The following DAOA variants were observed in gnomAD, a reference collection of about 807,000 sequenced individuals.
The protein encoded by DAOA is D-amino acid oxidase regulator.
Under a neutral mutation model 16.4 loss-of-function variants are expected in DAOA, and 15 were observed. The observed-to-expected ratio is 0.91, with a 90% CI of 0.61 to 1.41. DAOA has a LOEUF of 1.41. Among genes scored for constraint, DAOA ranks in the 40% most tolerant of loss-of-function variants. The probability of loss-of-function intolerance (pLI) is 0.00; values close to 1 mark genes in which losing one functional copy is unlikely to be tolerated. For missense variants in DAOA, 230 were observed against 176.8 expected, an observed-to-expected ratio of 1.30 and a Z score of -1.71; for synonymous variants, 75 against 59.1, an observed-to-expected ratio of 1.27 and a Z score of -1.23.
intron 4 of DAOA, among the ~76,000 whole-genome samples, chr13:105,484,805 C>T (rs8002278): frequency 0.49 from 74,254 of 151,968 alleles, 19,661 homozygotes; most frequent in Middle Eastern, 0.65. Flanking sequence ...TTTATTGCTG[C>T]CTTACTACTA....
chr13:105,475,667 G>A (rs1877278040), intron 4 of DAOA, among the ~76,000 whole-genome samples: 1 of 152,178 alleles, frequency 6.6e-6, no homozygotes, highest in African/African-American at 2.4e-5. Flanking sequence ...ATTAATCAAA[G>A]GCTGTATTTA....
At chr13:105,486,862 T>C (rs1878146779) in intron 4 of DAOA, among the ~76,000 whole-genome samples, 1 of 152,114 alleles carries the variant, frequency 6.6e-6, no homozygotes, top group African/African-American at 2.4e-5. Context: ...TCCAGTGATC[T>C]GCCCACTTCG....
rs771467327 is a variant in DAOA, at chr13:105,490,042, A to G, written c.423A>G (p.Ser141=). ...ACTACAACCAGCAAAAAGACCAGTC[A>G]TGCAACCACAAGGAAATAACTTCTA... ...TCNYNQQKDQ[S]CNHKEITSTK... The change falls in exon 5 of 6, where the codon TCA becomes TCG. Residue 141 remains serine, a synonymous_variant. Transcript: ENST00000375936. 6.9e-6 allele frequency: 11 copies of G among 1,594,990 alleles called. No homozygotes were observed. Among genetic ancestry groups the G allele is most frequent in the Non-Finnish European group, 7.7e-6 (9 of 1,170,032 alleles).
chr13:105,485,505 C>T (rs1265870630), intron 4 of DAOA, among the ~76,000 whole-genome samples: 4 of 152,202 alleles, frequency 2.6e-5, no homozygotes, highest in Non-Finnish European at 5.9e-5. Context: ...TTTCCACTAA[C>T]CCTTATCTCA....
chr13:105,472,711 T>C (rs529535520), intron 4 of DAOA, 26 bp downstream of exon 4: 2 of 1,579,942 alleles, frequency 1.3e-6, no homozygotes, highest in African/African-American at 2.7e-5. Flanking sequence ...ATTTTAAACT[T>C]TTAACCAGGA....
intron 4 of DAOA, chr13:105,477,068 C>T (rs1431402169): frequency 1.3e-5 from 2 of 152,198 alleles, no homozygotes; most frequent in African/African-American, 2.4e-5. Context: ...TCCTGTCTGC[C>T]TCCTGTAGTT....
At chr13:105,471,714 A>G (rs1295859349) in intron 3 of DAOA, among the ~76,000 whole-genome samples, 1 of 152,196 alleles carries the variant, frequency 6.6e-6, no homozygotes, top group East Asian at 1.9e-4. Flanking sequence ...CTACAGGTAA[A>G]ACTGGTCGAT....
chr13:105,487,478 T>C (rs953731762), intron 4 of DAOA, among the ~76,000 whole-genome samples: 11 of 152,122 alleles, frequency 7.2e-5, no homozygotes, highest in Non-Finnish European at 1.3e-4. Context: ...CTTTGGAATT[T>C]ACATTTTAGA....
chr13:105,489,912 T>C lies in DAOA; in HGVS notation c.293T>C (p.Val98Ala). The change falls in exon 5 of 6, where the codon GTA (valine) becomes GCA (alanine). Residue 98 changes from valine (V) to alanine (A), a missense_variant. By Grantham distance (64) the Val-to-Ala change is moderately conservative (BLOSUM62 0). Coordinates refer to ENST00000375936, the MANE Select transcript of DAOA (RefSeq NM_172370.5). ...GGATCTCCTTACAGGCTTGAAGAAG[T>C]AAGCAGCCATGTTGGAAAAGTCTTC... ...LPQPYAELEE[V>A]SSHVGKVFMA... The C allele has an allele frequency of 6.2e-7, 1 of 1,613,846 alleles. No homozygotes were observed. The highest frequency in any genetic ancestry group is 8.5e-7 in the Non-Finnish European group (1 of 1,179,876).
intron 4 of DAOA, among the ~76,000 whole-genome samples, chr13:105,482,798 T>G (rs9586867): frequency 0.044 from 6,667 of 152,142 alleles, 531 homozygotes; most frequent in African/African-American, 0.15. Flanking sequence ...GAGCCACTGC[T>G]CCTGGCCAGT....
At chr13:105,485,018 T>C (rs1878014548) in intron 4 of DAOA, among the ~76,000 whole-genome samples, 1 of 152,212 alleles carries the variant, frequency 6.6e-6, no homozygotes, top group South Asian at 2.1e-4. Context: ...TTTTTTCTTA[T>C]GGCAGGGTTA....
At chr13:105,488,074 A>G (rs1878254722) in intron 4 of DAOA, among the ~76,000 whole-genome samples, 10 of 152,178 alleles carry the variant, frequency 6.6e-5, no homozygotes, top group Admixed American at 5.9e-4. Context: ...CAATCACTGT[A>G]AACAGCTGTA....
intron 4 of DAOA, among the ~76,000 whole-genome samples, chr13:105,482,115 G>A (rs548620915): frequency 7.2e-5 from 11 of 152,158 alleles, no homozygotes; most frequent in South Asian, 4.2e-4. Context: ...GAACAGCACA[G>A]GAAAGACCTG....
rs76564901 is a variant in DAOA at position 105,488,066 on chromosome 13, A to G, written c.282-1835A>G. On this transcript the variant is annotated intron_variant, in intron 4 of 5. Coordinates refer to ENST00000375936, the MANE Select transcript of DAOA (RefSeq NM_172370.5). Reference sequence around the variant, plus strand: ...AGCTTAAAAGCACGGGAACTTATCAATCACTGTAAACAGCTGTATTTTGGG... The same window carrying G: ...AGCTTAAAAGCACGGGAACTTATCAGTCACTGTAAACAGCTGTATTTTGGG... 6.7e-3 allele frequency among the ~76,000 whole-genome samples: 1,015 copies of G among 152,332 alleles called. 11 individuals are homozygous for G. The highest frequency in any genetic ancestry group is 0.014 in the South Asian group (66 of 4,826).
At chr13:105,474,605 A>T (rs1877214770) in intron 4 of DAOA, among the ~76,000 whole-genome samples, 1 of 152,162 alleles carries the variant, frequency 6.6e-6, no homozygotes, top group Non-Finnish European at 1.5e-5. Flanking sequence ...GGATTGACTG[A>T]CTAAAGCCAG....
At chr13:105,475,501 AC>A (rs149926231) in intron 4 of DAOA, among the ~76,000 whole-genome samples, 3,117 of 152,250 alleles carry the variant, frequency 0.02, 106 homozygotes, top group African/African-American at 0.071. Context: ...CAGAGGAGTT[AC>A]GTTTTATGAG....
chr13:105,479,583 A>G (rs531771364), intron 4 of DAOA, among the ~76,000 whole-genome samples: 65 of 152,098 alleles, frequency 4.3e-4, no homozygotes, highest in African/African-American at 1.5e-3. Flanking sequence ...ACATCAGTCA[A>G]TCTCTACCTC....
chr13:105,473,371 C>G (rs758236357), intron 4 of DAOA, among the ~76,000 whole-genome samples: 1 of 151,872 alleles, frequency 6.6e-6, no homozygotes, highest in Non-Finnish European at 1.5e-5. Flanking sequence ...CTAAATAATG[C>G]TTTTATTTTC....
intron 4 of DAOA, among the ~76,000 whole-genome samples, chr13:105,489,207 T>G (rs1219269490): frequency 6.6e-6 from 1 of 152,168 alleles, no homozygotes; most frequent in Non-Finnish European, 1.5e-5. Context: ...AACATTTGCA[T>G]GTAAGATGGA....
Sources: gnomAD v4.1 joint callset for allele counts (sites outside exome capture counted in the v4.1 genomes callset) on GRCh38, gnomAD v4.1.1 for gene constraint, MANE v1.5 for transcripts, NCBI Gene and HGNC (gene_info 2026-07-23, HGNC 2026-07-21) for gene names.